NCOA2: variants seen among roughly 807,000 people sequenced by gnomAD.
The protein encoded by NCOA2 is nuclear receptor coactivator 2.
Under a neutral mutation model 145.1 loss-of-function variants are expected in NCOA2, and 21 were observed. The ratio of observed to expected loss-of-function variants is 0.14; its 90% CI spans 0.10 to 0.21. The LOEUF (loss-of-function observed/expected upper bound fraction) is 0.21. Ranked by LOEUF, NCOA2 falls within the 10% of genes least tolerant of loss-of-function variation. The pLI is 1.00. For missense variants in NCOA2, 1,472 were observed against 1,837.6 expected (o/e 0.80, Z 3.64); for synonymous variants, 619 against 637.5 (o/e 0.97, Z 0.44).
chr8:70,336,264 T>C (rs1300850086), intron 1 of NCOA2, among the ~76,000 whole-genome samples: 2 of 152,172 alleles, frequency 1.3e-5, no homozygotes, highest in African/African-American at 4.8e-5. Flanking sequence ...TTTATAATCT[T>C]ATGGGACCAC....
chr8:70,178,211 G>T (rs10504470), intron 4 of NCOA2, among the ~76,000 whole-genome samples: 11 of 152,112 alleles, frequency 7.2e-5, no homozygotes, highest in Non-Finnish European at 1.6e-4. Flanking sequence ...AGGTTATGTA[G>T]AATCAGGATC....
chr8:70,142,304 T>TGA (rs1810531732), intron 13 of NCOA2, among the ~76,000 whole-genome samples: 1 of 152,190 alleles, frequency 6.6e-6, no homozygotes, highest in South Asian at 2.1e-4. Context: ...CAACTAAAAA[T>TGA]GGGGTATATT....
At chr8:70,169,607 T>C (rs1814000493) in intron 6 of NCOA2, among the ~76,000 whole-genome samples, 1 of 152,086 alleles carries the variant, frequency 6.6e-6, no homozygotes, top group East Asian at 1.9e-4. Context: ...ATGTGTCACC[T>C]TAAAAAAACA....
intron 2 of NCOA2, among the ~76,000 whole-genome samples, chr8:70,220,590 T>C (rs1204244979): frequency 6.6e-6 from 1 of 152,178 alleles, no homozygotes; most frequent in African/African-American, 2.4e-5. Context: ...AACAATATTC[T>C]GGGAGGGGTG....
chr8:70,235,653 G>A (rs925956233), intron 2 of NCOA2, among the ~76,000 whole-genome samples: 1 of 151,918 alleles, frequency 6.6e-6, no homozygotes, highest in Admixed American at 6.6e-5. Flanking sequence ...AGACCAGCCT[G>A]GGCAACAAGA....
upstream of NCOA2, among the ~76,000 whole-genome samples, chr8:70,408,042 T>C (rs929771644): frequency 2.6e-5 from 4 of 152,146 alleles, no homozygotes; most frequent in Non-Finnish European, 5.9e-5. Context: ...TCTCCCCCTC[T>C]ATTCATACCT....
Position 70,112,042 on chromosome 8 carries a change from A to G in NCOA2, c.*1590T>C, listed in dbSNP as rs780914724. On this transcript the variant is annotated 3_prime_UTR_variant, in exon 23 of 23. Transcript: ENST00000452400. Reference sequence around the variant, plus strand: ...ACCAGAGTGGGCAAGAAAAACAACCATAAAAGTGGCCTGCTTAGTAACATG... The same window carrying G: ...ACCAGAGTGGGCAAGAAAAACAACCGTAAAAGTGGCCTGCTTAGTAACATG... The G allele has an allele frequency of 4.7e-6, 1 of 212,434 alleles. No individual in the cohort carries two copies. The highest frequency in any genetic ancestry group is 9.5e-6 in the Non-Finnish European group (1 of 104,730). The allele number at this position is 212,434 out of a possible 1,614,324, so 13.2% of individuals were successfully genotyped here.
intron 22 of NCOA2, among the ~76,000 whole-genome samples, chr8:70,117,698 T>C (rs1368561202): frequency 1.3e-5 from 2 of 152,156 alleles, no homozygotes; most frequent in African/African-American, 2.4e-5. Flanking sequence ...AGAATGCATA[T>C]TTGGGGTCAG....
chr8:70,225,416 G>A (rs1383447780), intron 2 of NCOA2, among the ~76,000 whole-genome samples: 1 of 152,042 alleles, frequency 6.6e-6, no homozygotes. Context: ...GGGTGTGTTG[G>A]CGCATGCCTG....
chr8:70,357,966 A>T (rs1026381987), intron 1 of NCOA2, among the ~76,000 whole-genome samples: 2 of 149,846 alleles, frequency 1.3e-5, no homozygotes, highest in Admixed American at 1.3e-4. Context: ...CAGGAGAATC[A>T]CTTGAACCTG....
chr8:70,336,426 T>C (rs904445930), intron 1 of NCOA2, among the ~76,000 whole-genome samples: 10 of 152,168 alleles, frequency 6.6e-5, no homozygotes, highest in African/African-American at 2.4e-4. Flanking sequence ...AATTAATGTT[T>C]AATTATATGT....
At chr8:70,224,160 T>C (rs1215276373) in intron 2 of NCOA2, among the ~76,000 whole-genome samples, 2 of 152,314 alleles carry the variant, frequency 1.3e-5, no homozygotes, top group East Asian at 3.9e-4. Context: ...AAAGATGTCA[T>C]GCTCAGCTCA....
rs576172804 is a variant in NCOA2, at chr8:70,112,141, T to C, written c.*1491A>G. On this transcript the variant is annotated 3_prime_UTR_variant, in exon 23 of 23. Transcript: ENST00000452400. ...AGAATTGGTTCCTACAGCGGCTGCA[T>C]ATCATATAGATTAGATAAATGACTT... The C allele has an allele frequency of 4.9e-6, 1 of 204,934 alleles. No homozygotes were observed. Among genetic ancestry groups the C allele is most frequent in the African/African-American group, 2.3e-5 (1 of 43,870 alleles). 12.7% of individuals were successfully genotyped at this position (204,934 alleles called of 1,614,324 possible).
intron 1 of NCOA2, among the ~76,000 whole-genome samples, chr8:70,315,922 A>G (rs1309703127): frequency 6.6e-6 from 1 of 152,214 alleles, no homozygotes; most frequent in East Asian, 1.9e-4. Context: ...TCTGATTCCA[A>G]TGAAACACTG....
intron 2 of NCOA2, 41 bp from the exon 3 acceptor site, chr8:70,216,805 G>A (rs1819665864): frequency 2.4e-6 from 3 of 1,271,168 alleles, no homozygotes; most frequent in Non-Finnish European, 1.2e-6. Flanking sequence ...AAAATGAAGA[G>A]AGCTGATGAT....
intron 1 of NCOA2, among the ~76,000 whole-genome samples, chr8:70,353,387 T>C (rs974966409): frequency 1.3e-5 from 2 of 150,212 alleles, no homozygotes; most frequent in African/African-American, 4.9e-5. Flanking sequence ...AGTGTTGGGA[T>C]TAAAGGGGGG....
intron 1 of NCOA2, among the ~76,000 whole-genome samples, chr8:70,372,100 C>T (rs1266035025): frequency 6.6e-6 from 1 of 151,956 alleles, no homozygotes; most frequent in Non-Finnish European, 1.5e-5. Flanking sequence ...AGCTGGATAC[C>T]GAGTTAATGA....
chr8:70,321,470 A>G (rs1806055170), intron 1 of NCOA2, among the ~76,000 whole-genome samples: 1 of 152,118 alleles, frequency 6.6e-6, no homozygotes, highest in Admixed American at 6.6e-5. Flanking sequence ...AATATTCATA[A>G]AATATAACAT....
intron 1 of NCOA2, among the ~76,000 whole-genome samples, chr8:70,361,974 A>G (rs1347860166): frequency 6.6e-6 from 1 of 152,254 alleles, no homozygotes; most frequent in Admixed American, 6.5e-5. Context: ...TGGCCGCAGT[A>G]TAAATGCTTC....
Sources: allele counts gnomAD v4.1 joint callset (sites outside exome capture counted in the v4.1 genomes callset), GRCh38; gene constraint gnomAD v4.1.1; transcripts MANE v1.5; gene names NCBI Gene and HGNC (gene_info 2026-07-23, HGNC 2026-07-21).